Variants in COX11 observed in about 807,000 individuals in gnomAD.
COX11 encodes cytochrome c oxidase assembly protein COX11, mitochondrial.
Under a neutral mutation model 29.4 loss-of-function variants are expected in COX11, and 18 were observed. The ratio of observed to expected loss-of-function variants is 0.61; its 90% confidence interval spans 0.42 to 0.91. COX11 has a LOEUF of 0.91. Among genes scored for constraint, COX11 ranks in the 40% least tolerant of loss-of-function variants. COX11 has a pLI of 0.00. For synonymous variants in COX11, 131 were observed against 124.0 expected, an observed-to-expected ratio of 1.06 and a Z score of -0.38; for missense variants, 312 against 346.0, an observed-to-expected ratio of 0.90 and a Z score of 0.78.
In COX11 at chr17:54,968,616, A is replaced by G. The variant is rs1242958426; in HGVS notation, c.31T>C (p.Cys11Arg). Residue 11 changes from cysteine to arginine, a missense_variant, in exon 1 of 4, where the codon TGC becomes CGC. Around this residue, in one of 2 missense-constraint regions of COX11, gnomAD observed 130 missense variants for 106.0 expected, o/e 1.23. Transcript: ENST00000299335. Reference sequence around the variant, plus strand: ...CAGCGCCAGCCACAGAAAGGAACGCACCTCCATCCAGGACGCCAGAGCCCT... The same window carrying G: ...CAGCGCCAGCCACAGAAAGGAACGCGCCTCCATCCAGGACGCCAGAGCCCT... MGGLWRPGWR[C>R]VPFCGWRWIH... 1.2e-6 allele frequency: 2 copies of G among 1,612,224 alleles called. No individual in the cohort carries two copies. Among genetic ancestry groups the G allele is most frequent in the African/African-American group, 1.3e-5 (1 of 74,682 alleles).
At chr17:54,958,687 A>T (rs973012865), downstream of COX11, among the ~76,000 whole-genome samples, 6 of 140,498 alleles carry the variant, frequency 4.3e-5, no homozygotes, top group African/African-American at 1.6e-4. Context: ...CTGAGATCCC[A>T]CTATTGCACT....
downstream of COX11, chr17:54,958,383 T>C (rs114657908): frequency 9.4e-3 from 1,433 of 152,258 alleles, 29 homozygotes; most frequent in African/African-American, 0.033. Context: ...AGAGATTAAG[T>C]AGAGACAGTA....
exon 1 of COX11, chr17:54,953,705 T>G (rs1158611794): frequency 1.3e-5 from 2 of 152,324 alleles, no homozygotes; most frequent in African/African-American, 4.8e-5. Flanking sequence ...TCTGTAGGGC[T>G]GCCGCATCTT....
exon 1 of COX11, chr17:54,952,681 A>C (rs2049296835): frequency 6.6e-6 from 1 of 152,166 alleles, no homozygotes; most frequent in Admixed American, 6.5e-5. Context: ...GGAATTAATA[A>C]CTGCACACTC....
rs770535717 is a variant in COX11 at position 54,961,398 on chromosome 17, A to G, written c.*1335T>C. 2.0e-4 allele frequency: 303 copies of G among 1,542,242 alleles called. No individual in the cohort carries two copies. Among genetic ancestry groups the G allele is most frequent in the Non-Finnish European group, 2.5e-4 (288 of 1,142,686 alleles). On this transcript the variant is annotated 3_prime_UTR_variant, in exon 4 of 4. Transcript: ENST00000299335. ...GATTAAATAGAATAACAGTTCCAGGATAACACTGATTCCTGACAACAGCGT... is the reference window on the plus strand; with the variant it reads ...GATTAAATAGAATAACAGTTCCAGGGTAACACTGATTCCTGACAACAGCGT...
exon 1 of COX11, chr17:54,953,204 C>A (rs1273389803): frequency 6.7e-6 from 1 of 149,900 alleles, no homozygotes; most frequent in African/African-American, 2.4e-5. Flanking sequence ...CATAACGAGA[C>A]CTTGTCTCCA....
downstream of COX11, among the ~76,000 whole-genome samples, chr17:54,955,736 A>C (rs1010501346): frequency 5.3e-5 from 8 of 152,182 alleles, no homozygotes; most frequent in Non-Finnish European, 2.9e-5. Flanking sequence ...ACAATCCTGG[A>C]TCCCTTGACC....
chr17:54,968,588 AT>A lies in COX11; in HGVS notation c.58del (p.Ile20SerfsTer13). 2 of 1,612,802 alleles carry A rather than the reference AT, an allele frequency of 1.2e-6. No homozygotes were observed. The highest frequency in any genetic ancestry group is 1.7e-6 in the Non-Finnish European group (2 of 1,179,970). On this transcript the variant is annotated frameshift_variant, in exon 1 of 4. Coordinates refer to ENST00000299335, the MANE Select transcript of COX11 (RefSeq NM_004375.5). LOFTEE classifies it high-confidence loss of function. ...AGCCCTGGTTGGAGACCCAGGGTGG[AT>A]CCAGCGCCAGCCACAGAAAGGAACG... ...RCVPFCGWRW[I>X]HPGSPTRAAE...
In COX11 at chr17:54,961,960, A is replaced by C; in HGVS notation, c.*773T>G. On this transcript the variant is annotated 3_prime_UTR_variant, in exon 4 of 4. Transcript: ENST00000299335. ...AAATAAATCACTATTAAAACAATTT[A>C]ATACTTTTTTTTTTTAACAAAGGTT... The C allele has an allele frequency of 1.1e-6, 1 of 892,116 alleles. No homozygotes were observed. Among genetic ancestry groups the C allele is most frequent in the Non-Finnish European group, 1.3e-6 (1 of 758,222 alleles). The allele number at this position is 892,116 out of a possible 1,614,324, so 55.3% of individuals were successfully genotyped here. A position where few individuals can be genotyped will look rare whatever the true frequency, so the allele number is the denominator to read the frequency against.
In COX11 at chr17:54,962,480, G is replaced by C. The variant is rs1784711052; in HGVS notation, c.*253C>G. 7 of 1,093,074 alleles carry C rather than the reference G, an allele frequency of 6.4e-6. No homozygotes were observed. The highest frequency in any genetic ancestry group is 6.7e-6 in the Non-Finnish European group (6 of 901,694). 67.7% of individuals were successfully genotyped at this position (1,093,074 alleles called of 1,614,324 possible). A position where few individuals can be genotyped will look rare whatever the true frequency, so the allele number is the denominator to read the frequency against. ...GCCTGCATATTTAAAAAACAAAGCG[G>C]CTTATTTTAATAGTATCAAACTCTT... On this transcript the variant is annotated 3_prime_UTR_variant, in exon 4 of 4. Transcript: ENST00000299335.
Position 54,968,531 on chromosome 17 carries a change from T to C in COX11, c.116A>G (p.Glu39Gly). 6.2e-7 allele frequency: 1 copy of C among 1,612,978 alleles called. No homozygotes were observed. ...CTCGGCACCTCCTGTCCCACTCCAC[T>C]CTGGCCTAAGAAACGGCTCTACCCT... ...AERVEPFLRP[E>G]WSGTGGAERG... The change falls in exon 1 of 4, where the codon GAG becomes GGG. Residue 39 changes from glutamate to glycine, a missense_variant. Around this residue, in one of 2 missense-constraint regions of COX11, gnomAD observed 130 missense variants for 106.0 expected, o/e 1.23. Coordinates refer to ENST00000299335, the MANE Select transcript of COX11 (RefSeq NM_004375.5).
chr17:54,962,246 C>T lies in COX11; in HGVS notation c.*487G>A. On this transcript the variant is annotated 3_prime_UTR_variant, in exon 4 of 4. Coordinates refer to ENST00000299335, the MANE Select transcript of COX11 (RefSeq NM_004375.5). ...TTAGGGCTTAGTGACTCCTCTTCTA[C>T]TTTGAGCTTTTAAAATACTGACTAT... is the stretch of plus-strand genomic sequence containing the variant. 1.0e-6 allele frequency: 1 copy of T among 985,222 alleles called. No individual in the cohort carries two copies. Among genetic ancestry groups the T allele is most frequent in the Non-Finnish European group, 1.2e-6 (1 of 829,766 alleles). The allele number at this position is 985,222 out of a possible 1,614,324, so 61.0% of individuals were successfully genotyped here.
downstream of COX11, among the ~76,000 whole-genome samples, chr17:54,956,282 CTA>C (rs2144043677): frequency 6.6e-6 from 1 of 152,108 alleles, no homozygotes; most frequent in South Asian, 2.1e-4. Flanking sequence ...GTAGCTGAGA[CTA>C]TTGGGGTGTG....
chr17:54,967,060 A>G (rs1159473319), intron 1 of COX11, among the ~76,000 whole-genome samples: 1 of 91,244 alleles, frequency 1.1e-5, no homozygotes, highest in East Asian at 2.4e-4. Flanking sequence ...ACACACACAC[A>G]CACACACACA....
At chr17:54,952,159 A>G (rs1464870558) in exon 1 of COX11, 1 of 152,176 alleles carries the variant, frequency 6.6e-6, no homozygotes, top group Non-Finnish European at 1.5e-5. Context: ...CAGGGACCAA[A>G]CAACAGTAGT....
intron 1 of COX11, among the ~76,000 whole-genome samples, chr17:54,967,819 G>A (rs2077280106): frequency 6.6e-6 from 1 of 152,112 alleles, no homozygotes; most frequent in Non-Finnish European, 1.5e-5. Context: ...TTTGTACGGA[G>A]GAACTGCTAA....
chr17:54,958,893 G>A (rs762066293), downstream of COX11, among the ~76,000 whole-genome samples: 1 of 152,120 alleles, frequency 6.6e-6, no homozygotes, highest in Non-Finnish European at 1.5e-5. Flanking sequence ...TAGAAGGAGA[G>A]GTTGAAGACT....
exon 1 of COX11, chr17:54,954,775 C>CATTTTTTG (rs1210518766): frequency 6.6e-6 from 1 of 152,182 alleles, no homozygotes; most frequent in East Asian, 1.9e-4. Flanking sequence ...TTCCCTTTGG[C>CATTTTTTG]CAATTTACAT....
chr17:54,959,384 G>A (rs949267787), downstream of COX11: 1 of 152,162 alleles, frequency 6.6e-6, no homozygotes, highest in Non-Finnish European at 1.5e-5. Context: ...AGGCTGAAGT[G>A]GAAGGATCAC....
Sources: allele counts gnomAD v4.1 joint callset (sites outside exome capture counted in the v4.1 genomes callset), GRCh38; gene constraint gnomAD v4.1.1; regional missense constraint gnomAD v4.1.1; transcripts MANE v1.5; gene names NCBI Gene and HGNC (gene_info 2026-07-23, HGNC 2026-07-21).